GDA: variants seen among roughly 807,000 people sequenced by gnomAD.
GDA encodes guanine deaminase, also known as cytoplasmic PSD-95 interactor.
A neutral mutation model predicts 59.6 loss-of-function variants in GDA; 18 were observed. That is an observed-to-expected ratio of 0.30 (90% CI 0.21 to 0.45). The LOEUF (loss-of-function observed/expected upper bound fraction) is 0.45, where lower values mean the gene tolerates loss of function less well. GDA is among the 20% of genes least tolerant of loss of function. The pLI is 1.00. For synonymous variants in GDA, 201 were observed against 201.1 expected (o/e 1.00, Z 0.00); for missense variants, 427 against 552.3 (o/e 0.77, Z 2.27).
intron 1 of GDA, among the ~76,000 whole-genome samples, chr9:72,191,274 C>T (rs1476130421): frequency 2.0e-5 from 3 of 152,052 alleles, no homozygotes; most frequent in African/African-American, 4.8e-5. Context: ...GTGCCTTGTT[C>T]CAGTACTGCA....
chr9:72,185,312 C>T (rs1266077217), intron 1 of GDA, among the ~76,000 whole-genome samples: 2 of 152,180 alleles, frequency 1.3e-5, no homozygotes, highest in Non-Finnish European at 2.9e-5. Context: ...GCTTCCCCTG[C>T]ACCTTAGGCA....
chr9:72,165,409 C>T lies in GDA; in HGVS notation c.123+15727C>T, dbSNP rs191349810. Among the ~76,000 whole-genome samples the T allele has an allele frequency of 9.9e-5, 15 of 152,172 alleles. 1 individual carries two copies. The highest frequency in any genetic ancestry group is 3.6e-4 in the African/African-American group (15 of 41,518). ...ATTTTTGTTTGGAAGTACAGGATAC[C>T]AGCAGTGAAACACTTCATTTTATTA... is the stretch of plus-strand genomic sequence containing the variant. On this transcript the variant is annotated intron_variant, in intron 1 of 13. Coordinates refer to ENST00000358399, the MANE Select transcript of GDA (RefSeq NM_004293.5).
intron 2 of GDA, among the ~76,000 whole-genome samples, chr9:72,198,397 G>A (rs1415569053): frequency 1.3e-5 from 2 of 151,986 alleles, no homozygotes; most frequent in Non-Finnish European, 2.9e-5. Flanking sequence ...ACATTAGCCG[G>A]GCATGGTGGT....
At chr9:72,215,425 A>G (rs961659962) in intron 5 of GDA, among the ~76,000 whole-genome samples, 1 of 152,114 alleles carries the variant, frequency 6.6e-6, no homozygotes, top group South Asian at 2.1e-4. Context: ...CTTCACTACT[A>G]TTTCGTCCTA....
chr9:72,258,880 G>T (rs1361089476), downstream of GDA, among the ~76,000 whole-genome samples: 2 of 152,210 alleles, frequency 1.3e-5, no homozygotes, highest in Admixed American at 1.3e-4. Context: ...TGTGGGCACA[G>T]AATGGGTAAT....
chr9:72,242,375 T>C (rs1020992122), intron 11 of GDA, among the ~76,000 whole-genome samples: 5 of 152,166 alleles, frequency 3.3e-5, no homozygotes, highest in African/African-American at 9.7e-5. Flanking sequence ...CGGAAAAAAA[T>C]AAAAATTGGT....
At chr9:72,214,574 G>A (rs1261088513) in intron 5 of GDA, among the ~76,000 whole-genome samples, 1 of 152,046 alleles carries the variant, frequency 6.6e-6, no homozygotes, top group Non-Finnish European at 1.5e-5. Context: ...GATTACAGGC[G>A]TGAGCCACCA....
At chr9:72,171,932 C>A (rs1408749242) in intron 1 of GDA, among the ~76,000 whole-genome samples, 1 of 152,144 alleles carries the variant, frequency 6.6e-6, no homozygotes, top group African/African-American at 2.4e-5. Context: ...ATTCTCATTT[C>A]ACAGGTGAAG....
intron 1 of GDA, among the ~76,000 whole-genome samples, chr9:72,182,093 T>C (rs568514299): frequency 4.7e-5 from 7 of 150,280 alleles, no homozygotes; most frequent in African/African-American, 7.6e-5. Context: ...CTAAATACTT[T>C]ATTTTTTTTC....
intron 1 of GDA, among the ~76,000 whole-genome samples, chr9:72,170,759 A>G (rs978657883): frequency 2.0e-5 from 3 of 152,168 alleles, no homozygotes; most frequent in African/African-American, 7.2e-5. Context: ...AGGGGCCACA[A>G]AGATGAAGGC....
intron 1 of GDA, among the ~76,000 whole-genome samples, chr9:72,162,949 GC>G (rs1828839110): frequency 6.6e-6 from 1 of 152,026 alleles, no homozygotes. Context: ...GAGCCAATGC[GC>G]CCTGACATAG....
chr9:72,239,888 A>G (rs1839425668), intron 10 of GDA, among the ~76,000 whole-genome samples: 1 of 152,176 alleles, frequency 6.6e-6, no homozygotes, highest in African/African-American at 2.4e-5. Flanking sequence ...TTGAGCTACA[A>G]TCTAGAATTA....
At chr9:72,200,385 C>T (rs1461271649) in intron 2 of GDA, among the ~76,000 whole-genome samples, 1 of 151,908 alleles carries the variant, frequency 6.6e-6, no homozygotes, top group Non-Finnish European at 1.5e-5. Context: ...TCCTCCTCCT[C>T]CTCTTTTTCT....
chr9:72,213,752 G>A (rs547458698), intron 4 of GDA, 134 bp from the exon 5 acceptor site: 133 of 511,448 alleles, frequency 2.6e-4, no homozygotes, highest in Admixed American at 7.6e-4. Context: ...GCAGTGAGCC[G>A]AGATTGCGCC....
chr9:72,153,383 G>T (rs1827470840), intron 1 of GDA, among the ~76,000 whole-genome samples: 1 of 152,048 alleles, frequency 6.6e-6, no homozygotes, highest in South Asian at 2.1e-4. Flanking sequence ...CTGTTGGTGG[G>T]ACTGTAAACT....
chr9:72,259,580 CT>C (rs1193519151), downstream of GDA, among the ~76,000 whole-genome samples: 2 of 152,148 alleles, frequency 1.3e-5, no homozygotes, highest in Non-Finnish European at 2.9e-5. Flanking sequence ...CCAGTTGTTC[CT>C]GGAGCCGCTG....
chr9:72,192,348 C>T (rs2131228393), intron 1 of GDA, among the ~76,000 whole-genome samples: 1 of 147,360 alleles, frequency 6.8e-6, no homozygotes, highest in Admixed American at 6.9e-5. Flanking sequence ...ACTCTCTGCT[C>T]AGCCTCCTGA....
chr9:72,219,142 C>T (rs754965445), intron 5 of GDA, among the ~76,000 whole-genome samples: 18 of 152,142 alleles, frequency 1.2e-4, no homozygotes, highest in South Asian at 1.0e-3. Flanking sequence ...CGGTGGTTCA[C>T]GCCTGTAATC....
intron 1 of GDA, among the ~76,000 whole-genome samples, chr9:72,140,044 C>T (rs762686180): frequency 2.0e-5 from 3 of 152,076 alleles, no homozygotes; most frequent in Admixed American, 6.5e-5. Flanking sequence ...GGGAACCCCG[C>T]GTTCCCTACC....
Sources: allele counts gnomAD v4.1 joint callset (sites outside exome capture counted in the v4.1 genomes callset), GRCh38; gene constraint gnomAD v4.1.1; transcripts MANE v1.5; gene names NCBI Gene and HGNC (gene_info 2026-07-23, HGNC 2026-07-21).